RECQL5: variants seen among roughly 807,000 people sequenced by gnomAD.
RECQL5 encodes the protein RecQ like helicase 5, also known as ATP-dependent DNA helicase Q5.
A neutral mutation model predicts 103.4 loss-of-function variants in RECQL5; 88 were observed. The observed-to-expected ratio is 0.85, with a 90% CI of 0.72 to 1.02. The LOEUF is 1.02. Ranked by LOEUF, RECQL5 falls within the 50% of genes least tolerant of loss-of-function variation. The pLI, the probability that RECQL5 is intolerant of heterozygous loss-of-function variation, is 0.00. For missense variants in RECQL5, 1,232 were observed against 1,284.3 expected (o/e 0.96, Z 0.62); for synonymous variants, 552 against 507.9 (o/e 1.09, Z -1.17).
At chr17:75,631,427 G>T in intron 9 of RECQL5, 23 bp downstream of exon 9, 1 of 1,600,150 alleles carries the variant, frequency 6.2e-7, no homozygotes. Flanking sequence ...GCGGGTTGGA[G>T]CCCTGGCTTC....
At chr17:75,663,346 G>A (rs1467509242) in intron 3 of RECQL5, among the ~76,000 whole-genome samples, 1 of 151,614 alleles carries the variant, frequency 6.6e-6, no homozygotes, top group South Asian at 2.1e-4. Context: ...ATTTTGACAT[G>A]ACGTTGTGCA....
rs1284859514 is a variant in RECQL5 at position 75,662,687 on chromosome 17, C to A, written c.563G>T (p.Cys188Phe). 2 of 1,613,996 alleles carry A rather than the reference C, an allele frequency of 1.2e-6. No individual in the cohort carries two copies. ...GGTGGCTGTGGCGGTCAGAGCCACA[C>A]AAGGGGCATGTCCCAGGCGGGAGCG... ...ALRSRLGHAP[C>F]VALTATATPQ... is the part of the protein sequence containing the mutation. Residue 188 changes from cysteine to phenylalanine, a missense_variant, in exon 4 of 20, where the codon TGT becomes TTT. Coordinates refer to ENST00000317905, the MANE Select transcript of RECQL5 (RefSeq NM_004259.7).
Position 75,629,851 on chromosome 17 carries a change from G to GGAT in RECQL5, c.1813-12_1813-10dup. 1 of 1,587,492 alleles carries GGAT rather than the reference G, an allele frequency of 6.3e-7. No individual in the cohort carries two copies. Among genetic ancestry groups the GGAT allele is most frequent in the Non-Finnish European group, 8.6e-7 (1 of 1,164,838 alleles). On this transcript the variant is annotated splice_polypyrimidine_tract_variant and intron_variant, in intron 14 of 19. Coordinates refer to ENST00000317905, the MANE Select transcript of RECQL5 (RefSeq NM_004259.7). The stretch of plus-strand genomic sequence containing the variant: ...CTGTGGATATCGGCCACCTGGGCAG[G>GGAT]GATAGGCAGGGAGGCTGTGGCACCC...
rs766056322 is a variant in RECQL5, at chr17:75,631,254, G to A, written c.1449-5C>T. ...CCTCCAGAACCTTCGTCATACCTAG[G>A]GACAGGCCAGGCGTGAGTGGCCCTG... On this transcript the variant is annotated splice_region_variant and splice_polypyrimidine_tract_variant and intron_variant, in intron 9 of 19. Coordinates refer to ENST00000317905, the MANE Select transcript of RECQL5 (RefSeq NM_004259.7). The A allele has an allele frequency of 2.5e-6, 4 of 1,613,504 alleles. No homozygotes were observed. The highest frequency in any genetic ancestry group is 1.7e-5 in the Admixed American group (1 of 60,022).
At chr17:75,653,511 G>A (rs1344197823) in intron 7 of RECQL5, among the ~76,000 whole-genome samples, 1 of 152,186 alleles carries the variant, frequency 6.6e-6, no homozygotes, top group African/African-American at 2.4e-5. Context: ...GAGCATTTGT[G>A]AGTGATGTGA....
intron 7 of RECQL5, among the ~76,000 whole-genome samples, chr17:75,657,561 G>A (rs191049480): frequency 3.0e-4 from 46 of 152,030 alleles, no homozygotes; most frequent in Middle Eastern, 3.4e-3. Flanking sequence ...ACCAGTCTGG[G>A]CACCATAGTG....
Position 75,662,511 on chromosome 17 carries a change from G to C in RECQL5, c.739C>G (p.Leu247Val). Residue 247 changes from leucine (L) to valine (V), a missense_variant, in exon 4 of 20, where the codon CTT (leucine) becomes GTT (valine). Leu to Val is a conservative substitution (Grantham distance 32, BLOSUM62 1). Transcript: ENST00000317905. ...DPYGNLKDFC[L>V]KALGQEADKG... ...TCAGCCTCCTGTCCAAGAGCCTTAA[G>C]GCAGAAGTCCTTCAGGTTCCCATAG... The C allele has an allele frequency of 2.5e-6, 4 of 1,614,094 alleles. No individual in the cohort carries two copies. The highest frequency in any genetic ancestry group is 3.4e-6 in the Non-Finnish European group (4 of 1,180,012).
intron 6 of RECQL5, 107 bp from the exon 7 acceptor site, chr17:75,658,567 A>C (rs1599052152): frequency 1.0e-6 from 1 of 1,003,484 alleles, no homozygotes; most frequent in East Asian, 2.5e-5. Flanking sequence ...ATAGGGAGGG[A>C]GAGGGATAGT....
intron 3 of RECQL5, among the ~76,000 whole-genome samples, chr17:75,663,765 C>T (rs73368006): frequency 0.027 from 4,079 of 152,128 alleles, 183 homozygotes; most frequent in African/African-American, 0.093. Context: ...GTGAAATTAA[C>T]GTATGTAAGC....
intron 7 of RECQL5, among the ~76,000 whole-genome samples, chr17:75,656,226 G>A (rs1229996339): frequency 2.0e-5 from 3 of 152,024 alleles, no homozygotes; most frequent in Non-Finnish European, 4.4e-5. Context: ...ACAGGCATGC[G>A]CCACCACACC....
Position 75,667,142 on chromosome 17 carries a change from G to A in RECQL5, c.-113C>T. On this transcript the variant is annotated 5_prime_UTR_variant, in exon 1 of 20. Transcript: ENST00000317905. Reference sequence around the variant, plus strand: ...ACAACCCCAACTCAGAGAAGCCAAAGCGCTGGGAATTCAGCTTTAGGCAGA... The same window carrying A: ...ACAACCCCAACTCAGAGAAGCCAAAACGCTGGGAATTCAGCTTTAGGCAGA... 1.8e-6 allele frequency: 1 copy of A among 555,708 alleles called. No individual in the cohort carries two copies. Among genetic ancestry groups the A allele is most frequent in the Non-Finnish European group, 3.2e-6 (1 of 312,404 alleles). 34.4% of individuals were successfully genotyped at this position (555,708 alleles called of 1,614,324 possible).
At chr17:75,649,555 C>G (rs1478165985) in intron 8 of RECQL5, 9 of 913,996 alleles carry the variant, frequency 9.8e-6, no homozygotes, top group Non-Finnish European at 1.2e-5. Flanking sequence ...GGTGCCCGCC[C>G]CAAGGGATCG....
In RECQL5 at chr17:75,667,109, C is replaced by G. The variant is rs1036309816; in HGVS notation, c.-80G>C. 45 of 495,236 alleles carry G rather than the reference C, an allele frequency of 9.1e-5. No homozygotes were observed. Among genetic ancestry groups the G allele is most frequent in the Non-Finnish European group, 1.5e-4 (42 of 275,800 alleles). 30.7% of individuals were successfully genotyped at this position (495,236 alleles called of 1,614,324 possible). On this transcript the variant is annotated 5_prime_UTR_variant, in exon 1 of 20. Transcript: ENST00000317905. Reference sequence around the variant, plus strand: ...GCTGGTTCCGGAACTGTTCGAAGACCCCTATACACAACCCCAACTCAGAGA... The same window carrying G: ...GCTGGTTCCGGAACTGTTCGAAGACGCCTATACACAACCCCAACTCAGAGA...
intron 8 of RECQL5, among the ~76,000 whole-genome samples, chr17:75,644,267 C>T (rs547840581): frequency 9.2e-5 from 14 of 151,686 alleles, no homozygotes; most frequent in African/African-American, 2.9e-4. Flanking sequence ...ATCACGCCAC[C>T]GCACTCCAGC....
rs921759641 is a variant in RECQL5, at chr17:75,629,836, C to T, written c.1819G>A (p.Asp607Asn). 1.6e-5 allele frequency: 25 copies of T among 1,606,618 alleles called. No individual in the cohort carries two copies. Among genetic ancestry groups the T allele is most frequent in the East Asian group, 2.2e-5 (1 of 44,754 alleles). ...YKASVLKKVA[D>N]IHRASKDGQP... ...CCATCCTTGGAGGCTCTGTGGATAT[C>T]GGCCACCTGGGCAGGGATAGGCAGG... The change falls in exon 15 of 20, where the codon GAT becomes AAT. Residue 607 changes from aspartate to asparagine, a missense_variant. Physicochemically the swap from Asp to Asn is conservative, Grantham distance 23. Coordinates refer to ENST00000317905, the MANE Select transcript of RECQL5 (RefSeq NM_004259.7).
At chr17:75,665,430 G>A (rs1468941678) in intron 2 of RECQL5, among the ~76,000 whole-genome samples, 1 of 152,056 alleles carries the variant, frequency 6.6e-6, no homozygotes, top group Non-Finnish European at 1.5e-5. Flanking sequence ...AGTGGCTCAC[G>A]CCTGTAATCC....
intron 7 of RECQL5, among the ~76,000 whole-genome samples, chr17:75,656,432 T>A (rs2059621413): frequency 6.6e-6 from 1 of 152,220 alleles, no homozygotes; most frequent in Non-Finnish European, 1.5e-5. Flanking sequence ...CACTTATTCC[T>A]AAGTATTTTA....
Position 75,628,417 on chromosome 17 carries a change from TTCTGAGGCTGGCTC to T in RECQL5, c.2592_2605del (p.Ser865GlufsTer13), listed in dbSNP as rs1181893710. On this transcript the variant is annotated frameshift_variant, in exon 18 of 20. Coordinates refer to ENST00000317905, the MANE Select transcript of RECQL5 (RefSeq NM_004259.7). LOFTEE classifies it high-confidence loss of function. ...GGGCTTGGCTGAGGGGCGTGGCCTC[TTCTGAGGCTGGCTC>T]TCTGGGTTCTCCTGAGAAGGGCCAC... 1 of 1,613,740 alleles carries T rather than the reference TTCTGAGGCTGGCTC, an allele frequency of 6.2e-7. No homozygotes were observed. The highest frequency in any genetic ancestry group is 2.2e-5 in the East Asian group (1 of 44,882).
chr17:75,665,137 C>G lies in RECQL5; in HGVS notation c.166G>C (p.Ala56Pro). The G allele has an allele frequency of 6.2e-7, 1 of 1,612,072 alleles. No individual in the cohort carries two copies. The highest frequency in any genetic ancestry group is 8.5e-7 in the Non-Finnish European group (1 of 1,179,318). Residue 56 changes from alanine (A) to proline (P), a missense_variant, in exon 3 of 20, where the codon GCA (alanine) becomes CCA (proline). Ala to Pro is a conservative substitution (Grantham distance 27). Coordinates refer to ENST00000317905, the MANE Select transcript of RECQL5 (RefSeq NM_004259.7). ...KDVFVCMPTG[A>P]GKSLCYQLPA... ...AGCTGATAGCATAGGGATTTTCCTG[C>G]CCCTGTGGGCATGCACACAAAGACG...
Sources: gnomAD v4.1 joint callset for allele counts (sites outside exome capture counted in the v4.1 genomes callset) on GRCh38, gnomAD v4.1.1 for gene constraint, MANE v1.5 for transcripts, NCBI Gene and HGNC (gene_info 2026-07-23, HGNC 2026-07-21) for gene names.